The following MROH1 variants were observed in gnomAD, a reference collection of about 807,000 sequenced individuals.
The protein encoded by MROH1 is maestro heat like repeat family member 1, also known as maestro heat-like repeat-containing protein family member 1.
A neutral mutation model predicts 116.5 loss-of-function variants in MROH1; 117 were observed. The ratio of observed to expected loss-of-function variants is 1.00; its 90% confidence interval spans 0.86 to 1.17. MROH1 has a LOEUF of 1.17. MROH1 is among the 50% of genes most tolerant of loss of function. The pLI, the probability that MROH1 is intolerant of heterozygous loss-of-function variation, is 0.00. For missense variants in MROH1, 1,873 were observed against 1,338.5 expected, an observed-to-expected ratio of 1.40 and a Z score of -6.23; for synonymous variants, 921 against 583.9, an observed-to-expected ratio of 1.58 and a Z score of -8.32.
intron 3 of MROH1, among the ~76,000 whole-genome samples, chr8:144,165,020 C>G (rs1296661672): frequency 6.6e-6 from 1 of 151,564 alleles, no homozygotes; most frequent in African/African-American, 2.4e-5. Context: ...GGGTCTCACT[C>G]TGTTGTCCAG....
intron 4 of MROH1, among the ~76,000 whole-genome samples, chr8:144,169,712 G>A (rs1283164444): frequency 2.7e-5 from 4 of 148,980 alleles, no homozygotes; most frequent in East Asian, 2.0e-4. Context: ...GCGTGATCTC[G>A]GCTCACTGCA....
At chr8:144,164,427 C>T (rs1370594584) in intron 3 of MROH1, among the ~76,000 whole-genome samples, 4 of 149,186 alleles carry the variant, frequency 2.7e-5, no homozygotes, top group Non-Finnish European at 5.9e-5. Flanking sequence ...AAAAAAAAGA[C>T]AGGGTCTCCC....
chr8:144,148,762 G>A (rs1816017543), intron 1 of MROH1: 2 of 152,784 alleles, frequency 1.3e-5, no homozygotes, highest in Non-Finnish European at 2.9e-5. Context: ...CAGCTGCAGT[G>A]TGAGGGTCAG....
At chr8:144,153,076 A>G (rs927860050) in intron 1 of MROH1, among the ~76,000 whole-genome samples, 8 of 152,280 alleles carry the variant, frequency 5.3e-5, no homozygotes, top group East Asian at 1.9e-4. Context: ...CTAGGAGTTC[A>G]ACTCTTCATA....
chr8:144,198,298 A>T (rs1371335032), intron 10 of MROH1, among the ~76,000 whole-genome samples: 2 of 152,172 alleles, frequency 1.3e-5, no homozygotes, highest in African/African-American at 4.8e-5. Flanking sequence ...CTTTGCTGTG[A>T]CACCTGCGAG....
At position 144,258,857 on chromosome 8, in the gene MROH1, G is replaced by T. The variant is rs1844424800; in HGVS notation, c.3872G>T (p.Gly1291Val). 1.3e-6 allele frequency: 1 copy of T among 769,494 alleles called. No homozygotes were observed. The highest frequency in any genetic ancestry group is 2.4e-6 in the Non-Finnish European group (1 of 414,546). 47.7% of individuals were successfully genotyped at this position (769,494 alleles called of 1,614,324 possible). Reference protein sequence around the residue: ...DVVQRMDLEGGWELLRTSAGH... With the variant: ...DVVQRMDLEGVWELLRTSAGH... ...GTACAGCGCATGGACCTGGAGGGAG[G>T]CTGGGAACTGCTCAGGACCTCGGCG... is the stretch of plus-strand genomic sequence containing the variant. The change falls in exon 36 of 44, where the codon GGC becomes GTC. Residue 1291 changes from glycine (G) to valine (V), a missense_variant. Gly to Val is a moderately radical substitution (Grantham distance 109). Coordinates refer to ENST00000326134, the MANE Select transcript of MROH1 (RefSeq NM_032450.3).
Position 144,258,862 on chromosome 8 carries a change from G to A in MROH1, c.3877G>A (p.Glu1293Lys), listed in dbSNP as rs1295177579. Residue 1293 changes from glutamate to lysine, a missense_variant, in exon 36 of 44, where the codon GAA (glutamate) becomes AAA (lysine). Coordinates refer to ENST00000326134, the MANE Select transcript of MROH1 (RefSeq NM_032450.3). ...VQRMDLEGGWELLRTSAGHEE... is the reference protein window; with the variant it reads ...VQRMDLEGGWKLLRTSAGHEE... ...GCGCATGGACCTGGAGGGAGGCTGGGAACTGCTCAGGACCTCGGCGGGGCA... is the reference window on the plus strand; with the variant it reads ...GCGCATGGACCTGGAGGGAGGCTGGAAACTGCTCAGGACCTCGGCGGGGCA... The A allele has an allele frequency of 1.3e-6, 1 of 769,590 alleles. No homozygotes were observed. Among genetic ancestry groups the A allele is most frequent in the African/African-American group, 1.7e-5 (1 of 58,926 alleles). 47.7% of individuals were successfully genotyped at this position (769,590 alleles called of 1,614,324 possible). A position where few individuals can be genotyped will look rare whatever the true frequency, so the allele number is the denominator to read the frequency against.
At chr8:144,240,067 T>C in intron 18 of MROH1, 34 bp from the exon 19 acceptor site, 2 of 767,222 alleles carry the variant, frequency 2.6e-6, no homozygotes, top group Non-Finnish European at 4.9e-6. Context: ...TGGTGCGTTT[T>C]GGGATGGGCT....
intron 14 of MROH1, among the ~76,000 whole-genome samples, chr8:144,234,260 C>T (rs1043833879): frequency 3.9e-5 from 6 of 152,072 alleles, no homozygotes; most frequent in African/African-American, 9.7e-5. Context: ...CCGCCGGCCT[C>T]GGCCTCCCAA....
intron 12 of MROH1, among the ~76,000 whole-genome samples, chr8:144,217,573 G>C (rs1301850199): frequency 6.6e-6 from 1 of 152,138 alleles, no homozygotes; most frequent in Non-Finnish European, 1.5e-5. Context: ...CTCTCACAGG[G>C]ACCAAACCTT....
At chr8:144,243,425 AGG>A in intron 24 of MROH1, 67 bp from the exon 25 acceptor site, 1 of 766,914 alleles carries the variant, frequency 1.3e-6, no homozygotes, top group Non-Finnish European at 2.4e-6. Flanking sequence ...AGGAAAGAAA[AGG>A]GGGTATGCGC....
chr8:144,260,456 C>CTG, intron 39 of MROH1, 82 bp downstream of exon 39: 1 of 698,258 alleles, frequency 1.4e-6, no homozygotes, highest in Non-Finnish European at 2.6e-6. Context: ...CAGCCCCACC[C>CTG]TCCTCCCTGT....
At chr8:144,164,058 A>G (rs920188014) in intron 3 of MROH1, among the ~76,000 whole-genome samples, 9 of 150,530 alleles carry the variant, frequency 6.0e-5, no homozygotes, top group Non-Finnish European at 8.9e-5. Context: ...AGAAAAGCAC[A>G]TGGCATCCAG....
intron 12 of MROH1, among the ~76,000 whole-genome samples, chr8:144,209,317 A>G (rs1004476882): frequency 4.0e-5 from 6 of 151,542 alleles, no homozygotes; most frequent in Non-Finnish European, 8.8e-5. Context: ...GGTGGCTCAA[A>G]CGCCTGTAAT....
Position 144,200,523 on chromosome 8 carries a change from C to CT in MROH1, c.1123_1124insT (p.His375LeufsTer13). 6.4e-7 allele frequency: 1 copy of CT among 1,550,982 alleles called. No homozygotes were observed. On this transcript the variant is annotated frameshift_variant, in exon 12 of 44. Transcript: ENST00000326134. LOFTEE classifies it high-confidence loss of function. ...CGTGGGCACCCTGCAGGTGGTCAGA[C>CT]ATGTCATCAACTCAGCTGGTGAGTG...
intron 7 of MROH1, among the ~76,000 whole-genome samples, chr8:144,185,370 G>GT (rs1262137712): frequency 1.3e-5 from 2 of 151,996 alleles, no homozygotes; most frequent in African/African-American, 4.8e-5. Context: ...AAAATAAGCA[G>GT]TTGGCAAAAC....
chr8:144,238,675 G>T, intron 14 of MROH1, 81 bp from the exon 15 acceptor site: 1 of 732,316 alleles, frequency 1.4e-6, no homozygotes, highest in Non-Finnish European at 2.5e-6. Context: ...CTCAGGGTCT[G>T]CCCCGCTTCC....
intron 33 of MROH1, among the ~76,000 whole-genome samples, chr8:144,253,470 A>G (rs1419521620): frequency 6.6e-6 from 1 of 152,158 alleles, no homozygotes; most frequent in African/African-American, 2.4e-5. Flanking sequence ...CCCTGGGCAC[A>G]GGTTGGCTTG....
intron 1 of MROH1, among the ~76,000 whole-genome samples, chr8:144,149,652 G>A (rs34936959): frequency 8.5e-5 from 13 of 152,132 alleles, no homozygotes; most frequent in Non-Finnish European, 1.5e-4. Context: ...TGTCTGTGCC[G>A]GTCCACCCAG....
Sources: gnomAD v4.1 joint callset for allele counts (sites outside exome capture counted in the v4.1 genomes callset) on GRCh38, gnomAD v4.1.1 for gene constraint, MANE v1.5 for transcripts, NCBI Gene and HGNC (gene_info 2026-07-23, HGNC 2026-07-21) for gene names.